CNBD1: variants seen among roughly 807,000 people sequenced by gnomAD.
The protein encoded by CNBD1 is cyclic nucleotide binding domain containing 1.
CNBD1 carries 71 observed loss-of-function variants against 54.4 expected under a neutral mutation model. The ratio of observed to expected loss-of-function variants is 1.30; its 90% CI spans 1.08 to 1.59. The LOEUF is 1.59. CNBD1 is among the 40% of genes most tolerant of loss of function. The probability of loss-of-function intolerance (pLI) is 0.00; values close to 1 mark genes in which losing one functional copy is unlikely to be tolerated. For synonymous variants in CNBD1, 182 were observed against 170.7 expected (o/e 1.07, Z -0.51); for missense variants, 659 against 518.0 (o/e 1.27, Z -2.64).
intron 4 of CNBD1, among the ~76,000 whole-genome samples, chr8:87,046,705 G>C (rs1414278351): frequency 1.3e-5 from 2 of 152,162 alleles, no homozygotes; most frequent in African/African-American, 4.8e-5. Context: ...AAAATACAAA[G>C]TATAGTCATT....
intron 1 of CNBD1, among the ~76,000 whole-genome samples, chr8:86,874,544 G>A (rs1808487124): frequency 6.6e-6 from 1 of 151,954 alleles, no homozygotes. Flanking sequence ...GTTTTGTGAA[G>A]ATGTATTTTA....
chr8:86,940,735 G>A (rs1809640892), intron 4 of CNBD1, among the ~76,000 whole-genome samples: 1 of 151,952 alleles, frequency 6.6e-6, no homozygotes, highest in African/African-American at 2.4e-5. Flanking sequence ...TTGATAACAG[G>A]AACAAAACCA....
intron 4 of CNBD1, among the ~76,000 whole-genome samples, chr8:87,184,972 T>C (rs1813443890): frequency 6.6e-6 from 1 of 152,202 alleles, no homozygotes; most frequent in Non-Finnish European, 1.5e-5. Context: ...TTTTGAGTTT[T>C]TTATTTGACT....
At chr8:86,951,202 C>T (rs1486685499) in intron 4 of CNBD1, among the ~76,000 whole-genome samples, 11 of 152,076 alleles carry the variant, frequency 7.2e-5, no homozygotes, top group Non-Finnish European at 1.0e-4. Flanking sequence ...TAGTTATTTA[C>T]AATGATTTTC....
At chr8:86,881,462 G>A (rs898525659) in intron 1 of CNBD1, among the ~76,000 whole-genome samples, 1 of 152,062 alleles carries the variant, frequency 6.6e-6, no homozygotes, top group African/African-American at 2.4e-5. Context: ...AGCTAACAAG[G>A]GAGGTAAAAG....
intron 4 of CNBD1, among the ~76,000 whole-genome samples, chr8:87,119,324 G>GT (rs34925068): frequency 0.048 from 7,012 of 145,550 alleles, 449 homozygotes; most frequent in African/African-American, 0.15. Context: ...AATTCTTAGG[G>GT]TTTTTTTTTT....
intron 10 of CNBD1, among the ~76,000 whole-genome samples, chr8:87,381,207 T>C (rs1227106954): frequency 2.6e-5 from 4 of 151,996 alleles, no homozygotes; most frequent in African/African-American, 9.7e-5. Context: ...AATAACTCAA[T>C]TTAAAAATAG....
chr8:86,934,299 C>T (rs1429534712), intron 3 of CNBD1, among the ~76,000 whole-genome samples: 1 of 152,004 alleles, frequency 6.6e-6, no homozygotes, highest in Non-Finnish European at 1.5e-5. Flanking sequence ...TCTATCAGTG[C>T]CTTCGTGCAT....
chr8:87,331,414 A>T (rs1417830020), intron 8 of CNBD1, among the ~76,000 whole-genome samples: 1 of 152,222 alleles, frequency 6.6e-6, no homozygotes, highest in Non-Finnish European at 1.5e-5. Context: ...GTAGCTGCAT[A>T]GTATTCCATG....
chr8:87,423,521 C>T (rs1817690004), intron 2 of CNBD1, among the ~76,000 whole-genome samples: 1 of 151,356 alleles, frequency 6.6e-6, no homozygotes, highest in Non-Finnish European at 1.5e-5. Context: ...TTTTCTGCAT[C>T]TATTGAGATA....
At chr8:86,956,024 G>C (rs1446809945) in intron 4 of CNBD1, among the ~76,000 whole-genome samples, 1 of 152,106 alleles carries the variant, frequency 6.6e-6, no homozygotes, top group Non-Finnish European at 1.5e-5. Flanking sequence ...GTAAGGAAGG[G>C]ATCCAGTTTC....
chr8:87,019,660 C>G (rs559986658), intron 4 of CNBD1, among the ~76,000 whole-genome samples: 1 of 152,160 alleles, frequency 6.6e-6, no homozygotes, highest in African/African-American at 2.4e-5. Context: ...GGCGGATCAC[C>G]TAACGTCGGG....
chr8:87,315,218 G>A (rs971449448), intron 8 of CNBD1, among the ~76,000 whole-genome samples: 1 of 152,022 alleles, frequency 6.6e-6, no homozygotes, highest in Non-Finnish European at 1.5e-5. Context: ...TAGACAAATA[G>A]TGAATAGAGG....
intron 4 of CNBD1, among the ~76,000 whole-genome samples, chr8:86,975,364 C>G (rs948366142): frequency 6.6e-6 from 1 of 152,000 alleles, no homozygotes; most frequent in African/African-American, 2.4e-5. Context: ...TGATCAACAT[C>G]TCTTCCTGTC....
At chr8:87,394,095 G>T (rs930211627) in intron 2 of CNBD1, among the ~76,000 whole-genome samples, 1 of 151,800 alleles carries the variant, frequency 6.6e-6, no homozygotes, top group East Asian at 1.9e-4. Flanking sequence ...CATGATCACA[G>T]GCTATATTTT....
chr8:86,949,558 T>C (rs1730478980), intron 4 of CNBD1, among the ~76,000 whole-genome samples: 1 of 152,188 alleles, frequency 6.6e-6, no homozygotes, highest in Non-Finnish European at 1.5e-5. Context: ...GATTTTTGTA[T>C]TTTGATTTTG....
intron 10 of CNBD1, among the ~76,000 whole-genome samples, chr8:87,382,320 A>G (rs1811094539): frequency 6.6e-6 from 1 of 151,902 alleles, no homozygotes; most frequent in African/African-American, 2.4e-5. Flanking sequence ...AATTTAAAAT[A>G]TCAGCAAGAA....
chr8:87,190,369 C>A (rs976351813), intron 4 of CNBD1, among the ~76,000 whole-genome samples: 3 of 152,098 alleles, frequency 2.0e-5, no homozygotes, highest in Non-Finnish European at 4.4e-5. Context: ...CAGCTGATGA[C>A]CTAAATTTTC....
At chr8:87,034,944 A>AT (rs1025076123) in intron 4 of CNBD1, among the ~76,000 whole-genome samples, 5 of 151,756 alleles carry the variant, frequency 3.3e-5, no homozygotes, top group African/African-American at 1.2e-4. Context: ...TCTCTGGATA[A>AT]TTTTTTTTCT....
Sources: gnomAD v4.1 joint callset for allele counts (sites outside exome capture counted in the v4.1 genomes callset) on GRCh38, gnomAD v4.1.1 for gene constraint, MANE v1.5 for transcripts, NCBI Gene and HGNC (gene_info 2026-07-23, HGNC 2026-07-21) for gene names.